Variants in CRISPLD2 observed in about 807,000 individuals in gnomAD.
The protein encoded by CRISPLD2 is cysteine-rich secretory protein LCCL domain-containing 2.
In CRISPLD2, 47 loss-of-function variants were observed where a neutral mutation model predicts 71.1. The observed-to-expected ratio is 0.66, with a 90% CI of 0.52 to 0.84. The LOEUF (loss-of-function observed/expected upper bound fraction) is 0.84. Ranked by LOEUF, CRISPLD2 falls within the 40% of genes least tolerant of loss-of-function variation. CRISPLD2 has a pLI of 0.00. For missense variants in CRISPLD2, 830 were observed against 651.1 expected (o/e 1.27, Z -2.99); for synonymous variants, 317 against 250.1 (o/e 1.27, Z -2.52).
At chr16:84,826,074 G>T (rs1441084096) in intron 1 of CRISPLD2, among the ~76,000 whole-genome samples, 1 of 152,210 alleles carries the variant, frequency 6.6e-6, no homozygotes, top group African/African-American at 2.4e-5. Flanking sequence ...GCAGTCTGTT[G>T]TAACAAAGCA....
At chr16:84,833,989 G>C (rs1198907826) in intron 1 of CRISPLD2, among the ~76,000 whole-genome samples, 1 of 152,208 alleles carries the variant, frequency 6.6e-6, no homozygotes, top group Non-Finnish European at 1.5e-5. Flanking sequence ...TTCACATCCA[G>C]AGGGAAGCCC....
At chr16:84,878,546 C>G (rs1275778595) in intron 12 of CRISPLD2, among the ~76,000 whole-genome samples, 2 of 152,236 alleles carry the variant, frequency 1.3e-5, no homozygotes, top group African/African-American at 4.8e-5. Context: ...GCATTCCATT[C>G]TGTGGATACG....
rs531695495 is a variant in CRISPLD2 at position 84,849,396 on chromosome 16, C to A, written c.371C>A (p.Pro124Gln). 2.5e-6 allele frequency: 4 copies of A among 1,613,508 alleles called. No homozygotes were observed. In the South Asian group the frequency reaches 4.4e-5, roughly 18 times the overall value. ...LGAHWGRYRS[P>Q]GFHVQSWYDE... ...TTTCTGCCCTGCAGGTATCGCTCTC[C>A]GGGGTTCCATGTGCAGTCCTGGTAT... Residue 124 changes from proline (P) to glutamine (Q), a missense_variant, in exon 4 of 15, where the codon CCG becomes CAG. Transcript: ENST00000262424.
intron 1 of CRISPLD2, among the ~76,000 whole-genome samples, chr16:84,837,879 A>C (rs1916664413): frequency 6.6e-6 from 1 of 152,226 alleles, no homozygotes; most frequent in Admixed American, 6.5e-5. Flanking sequence ...GGTTCTGGGC[A>C]GCTGTGTCTT....
At chr16:84,871,650 C>G (rs944316603) in intron 8 of CRISPLD2, among the ~76,000 whole-genome samples, 1 of 151,916 alleles carries the variant, frequency 6.6e-6, no homozygotes, top group African/African-American at 2.4e-5. Context: ...CTCCAGGGTT[C>G]AAGTGACTTT....
At chr16:84,890,559 A>G (rs1339236468) in intron 14 of CRISPLD2, among the ~76,000 whole-genome samples, 2 of 152,064 alleles carry the variant, frequency 1.3e-5, no homozygotes, top group East Asian at 1.9e-4. Flanking sequence ...TCCCCTAGTA[A>G]GTAGTCTTCT....
chr16:84,843,256 G>C (rs1036020873), intron 2 of CRISPLD2, among the ~76,000 whole-genome samples: 2 of 152,156 alleles, frequency 1.3e-5, no homozygotes, highest in Admixed American at 1.3e-4. Context: ...CACTCAGCCC[G>C]GCACCCTCAG....
intron 1 of CRISPLD2, 76 bp from the exon 2 acceptor site, chr16:84,838,346 C>A: frequency 3.4e-6 from 3 of 892,346 alleles, no homozygotes; most frequent in East Asian, 2.4e-5. Context: ...GTGTGTGCTG[C>A]GTTCGCTGCT....
chr16:84,886,230 A>G (rs753447698), intron 13 of CRISPLD2, among the ~76,000 whole-genome samples: 1 of 152,016 alleles, frequency 6.6e-6, no homozygotes. Flanking sequence ...TCATTCCCTC[A>G]TGCCTGGAAC....
chr16:84,823,536 C>T (rs867665190), intron 1 of CRISPLD2, among the ~76,000 whole-genome samples: 2 of 152,166 alleles, frequency 1.3e-5, no homozygotes, highest in African/African-American at 4.8e-5. Context: ...TGGCATTTGG[C>T]ATTTGTGGGC....
chr16:84,838,423 G>C lies in CRISPLD2; in HGVS notation c.-73G>C. The C allele has an allele frequency of 1.3e-6, 2 of 1,555,650 alleles. No individual in the cohort carries two copies. Among genetic ancestry groups the C allele is most frequent in the South Asian group, 2.4e-5 (2 of 81,864 alleles). On this transcript the variant is annotated splice_region_variant and 5_prime_UTR_variant, in exon 2 of 15. Transcript: ENST00000262424. ...CCACCACCCTCTGCTTCCTTTCAGA[G>C]CTCAAGCGCCCAGCTCTGCCCGAGG...
chr16:84,888,957 T>G (rs538637435), intron 13 of CRISPLD2, among the ~76,000 whole-genome samples: 1 of 152,270 alleles, frequency 6.6e-6, no homozygotes, highest in Non-Finnish European at 1.5e-5. Context: ...GTCTTTATCT[T>G]GTTCCCTGCT....
At chr16:84,862,415 G>A (rs989065204) in intron 6 of CRISPLD2, among the ~76,000 whole-genome samples, 1 of 152,008 alleles carries the variant, frequency 6.6e-6, no homozygotes, top group Non-Finnish European at 1.5e-5. Flanking sequence ...GCCCAGGCTG[G>A]TCTCAAACTC....
intron 6 of CRISPLD2, among the ~76,000 whole-genome samples, chr16:84,859,332 C>G (rs1039764459): frequency 2.0e-5 from 3 of 152,138 alleles, no homozygotes; most frequent in African/African-American, 7.2e-5. Context: ...ACTGGAGGAC[C>G]ACAGTGATGT....
At chr16:84,841,243 G>C (rs1278541321) in intron 2 of CRISPLD2, among the ~76,000 whole-genome samples, 2 of 152,236 alleles carry the variant, frequency 1.3e-5, no homozygotes, top group Admixed American at 1.3e-4. Flanking sequence ...GACCTGAAGA[G>C]TGAGCATGGT....
chr16:84,891,144 G>A (rs2071658733), intron 14 of CRISPLD2, among the ~76,000 whole-genome samples: 1 of 152,140 alleles, frequency 6.6e-6, no homozygotes, highest in Non-Finnish European at 1.5e-5. Flanking sequence ...ATTAACATAT[G>A]GATTTTGAGG....
In CRISPLD2 at chr16:84,906,668, C is replaced by T. The variant is rs761933782; in HGVS notation, c.*26C>T. ...ATTTCCAGCACCAGGGGAGAAGGGG[C>T]GTCTTCAGGAGGGCTTCGGGGTTTT... On this transcript the variant is annotated 3_prime_UTR_variant, in exon 15 of 15. Transcript: ENST00000262424. 4.1e-5 allele frequency: 66 copies of T among 1,613,528 alleles called. No individual in the cohort carries two copies. In the Admixed American group the frequency reaches 5.0e-4, roughly 12 times the overall value.
chr16:84,868,990 C>G lies in CRISPLD2; in HGVS notation c.914+79C>G, dbSNP rs533922531. On this transcript the variant is annotated intron_variant, in intron 8 of 14. Transcript: ENST00000262424. ...TGTCCTACCACTGTGGCCTCTGGGC[C>G]TATGCTGGGCTGTCCTGCTGTTGCA... 1.1e-4 allele frequency: 141 copies of G among 1,238,476 alleles called. No homozygotes were observed. In the African/African-American group the frequency reaches 1.9e-3, roughly 17 times the overall value. 76.7% of individuals were successfully genotyped at this position (1,238,476 alleles called of 1,614,324 possible).
chr16:84,855,624 A>G lies in CRISPLD2; in HGVS notation c.709+795A>G, dbSNP rs531536151. The stretch of plus-strand genomic sequence containing the variant: ...GTTAATCTCCTTTGGCAACACCCTC[A>G]CAGACACACCCAGGATCAGTGCTTT... On this transcript the variant is annotated intron_variant, in intron 6 of 14. Coordinates refer to ENST00000262424, the MANE Select transcript of CRISPLD2 (RefSeq NM_031476.4). Among the ~76,000 whole-genome samples the G allele has an allele frequency of 3.9e-5, 6 of 152,298 alleles. No homozygotes were observed. In the East Asian group the frequency reaches 1.2e-3, roughly 29 times the overall value.
Sources: gnomAD v4.1 joint callset for allele counts (sites outside exome capture counted in the v4.1 genomes callset) on GRCh38, gnomAD v4.1.1 for gene constraint, MANE v1.5 for transcripts, NCBI Gene and HGNC (gene_info 2026-07-23, HGNC 2026-07-21) for gene names.